The following IGF2R variants were observed in gnomAD, a reference collection of about 807,000 sequenced individuals.
The protein encoded by IGF2R is cation-independent mannose-6-phosphate receptor.
A neutral mutation model predicts 270.6 loss-of-function variants in IGF2R; 91 were observed. The ratio of observed to expected loss-of-function variants is 0.34; its 90% CI spans 0.28 to 0.40. The LOEUF (loss-of-function observed/expected upper bound fraction) is 0.40. Among genes scored for constraint, IGF2R ranks in the 10% least tolerant of loss-of-function variants. The pLI, the probability that IGF2R is intolerant of heterozygous loss-of-function variation, is 1.00. For missense variants in IGF2R, 2,805 were observed against 3,188.3 expected, an observed-to-expected ratio of 0.88 and a Z score of 2.90; for synonymous variants, 1,316 against 1,258.9, an observed-to-expected ratio of 1.05 and a Z score of -0.96.
Position 160,009,152 on chromosome 6 carries a change from C to A in IGF2R, c.414+18C>A. ...AAACCCTGGTGAGTCCACACAGGCA[C>A]TTGATGTATTTCTTTAAAAAAAAAA... On this transcript the variant is annotated intron_variant, in intron 3 of 47. Coordinates refer to ENST00000356956, the MANE Select transcript of IGF2R (RefSeq NM_000876.4). The A allele has an allele frequency of 6.3e-7, 1 of 1,598,356 alleles. No individual in the cohort carries two copies. The highest frequency in any genetic ancestry group is 8.5e-7 in the Non-Finnish European group (1 of 1,172,642).
At position 160,089,263 on chromosome 6, in the gene IGF2R, A is replaced by T. The variant is rs770132045; in HGVS notation, c.6467+10A>T. ...GAGATATTTATTTTAAGTAAGTAAAACGTTTTCCTTCTGAGCTGTGAAATG... is the reference window on the plus strand; with the variant it reads ...GAGATATTTATTTTAAGTAAGTAAATCGTTTTCCTTCTGAGCTGTGAAATG... On this transcript the variant is annotated intron_variant, in intron 43 of 47. Coordinates refer to ENST00000356956, the MANE Select transcript of IGF2R (RefSeq NM_000876.4). The T allele has an allele frequency of 1.2e-6, 2 of 1,601,664 alleles. No individual in the cohort carries two copies. The highest frequency in any genetic ancestry group is 3.4e-5 in the Admixed American group (2 of 58,950).
intron 2 of IGF2R, among the ~76,000 whole-genome samples, chr6:160,001,378 A>G (rs1298703164): frequency 6.6e-6 from 1 of 152,106 alleles, no homozygotes; most frequent in Non-Finnish European, 1.5e-5. Flanking sequence ...ATCTAGTTGC[A>G]TGAAAACAAG....
intron 1 of IGF2R, among the ~76,000 whole-genome samples, chr6:159,986,381 G>A (rs566485918): frequency 2.9e-4 from 44 of 150,808 alleles, no homozygotes; most frequent in Admixed American, 6.6e-4. Context: ...ATAAGCGTGC[G>A]CGACCATGCC....
intron 11 of IGF2R, among the ~76,000 whole-genome samples, chr6:160,042,736 G>A (rs1343323186): frequency 6.6e-6 from 1 of 152,352 alleles, no homozygotes; most frequent in African/African-American, 2.4e-5. Flanking sequence ...CACAGGGGCC[G>A]AGCGGGGTGT....
chr6:159,986,842 G>A (rs1783895936), intron 1 of IGF2R, among the ~76,000 whole-genome samples: 1 of 150,950 alleles, frequency 6.6e-6, no homozygotes, highest in East Asian at 2.0e-4. Context: ...TCAGCTGAAT[G>A]GTTTCATTTG....
At chr6:160,094,395 T>TGCTTC (rs1276200447) in intron 44 of IGF2R, 1 of 215,776 alleles carries the variant, frequency 4.6e-6, no homozygotes. Context: ...TCTGCCAGCA[T>TGCTTC]GCTTCTCCAT....
At position 159,998,598 on chromosome 6, in the gene IGF2R, A is replaced by G. The variant is rs1175433197; in HGVS notation, c.289+7275A>G. 6.6e-6 allele frequency among the ~76,000 whole-genome samples: 1 copy of G among 152,208 alleles called. No individual in the cohort carries two copies. Among genetic ancestry groups the G allele is most frequent in the Non-Finnish European group, 1.5e-5 (1 of 68,050 alleles). ...AAAAAGTAACTTACAGGTTAAGATGATGATGATACTATTATAAACCAGCAG... is the reference window on the plus strand; with the variant it reads ...AAAAAGTAACTTACAGGTTAAGATGGTGATGATACTATTATAAACCAGCAG... On this transcript the variant is annotated intron_variant, in intron 2 of 47. Coordinates refer to ENST00000356956, the MANE Select transcript of IGF2R (RefSeq NM_000876.4). This position sits in a 1 kb window ranked among gnomAD's most constrained non-coding sequence, Gnocchi z 4.1.
At chr6:160,068,547 G>A (rs1778643482) in intron 30 of IGF2R, among the ~76,000 whole-genome samples, 162 bp downstream of exon 30, 1 of 151,748 alleles carries the variant, frequency 6.6e-6, no homozygotes, top group South Asian at 2.1e-4. Context: ...TGCTGTGAGT[G>A]TATCACAGGC....
At chr6:160,060,469 C>G in intron 22 of IGF2R, 78 bp from the exon 23 acceptor site, 2 of 1,411,586 alleles carry the variant, frequency 1.4e-6, no homozygotes, top group South Asian at 2.5e-5. Context: ...CAGCCTTGTC[C>G]TGTTGCTGCA....
intron 29 of IGF2R, 44 bp downstream of exon 29, chr6:160,064,945 GT>G (rs1201806878): frequency 7.5e-7 from 1 of 1,326,494 alleles, no homozygotes; most frequent in Non-Finnish European, 1.1e-6. Flanking sequence ...GACTAACTTG[GT>G]ATGATTTTGC....
rs148148998 is a variant in IGF2R at position 160,109,511 on chromosome 6, T to G, written c.*4427T>G. ...CTAAGTTCCCTCCTATCACCAGACATTTCTACAAATGAGGACCTTCACAGG... is the reference window on the plus strand; with the variant it reads ...CTAAGTTCCCTCCTATCACCAGACAGTTCTACAAATGAGGACCTTCACAGG... On this transcript the variant is annotated 3_prime_UTR_variant, in exon 48 of 48. Coordinates refer to ENST00000356956, the MANE Select transcript of IGF2R (RefSeq NM_000876.4). 26 of 152,312 alleles carry G rather than the reference T, an allele frequency of 1.7e-4. No individual in the cohort carries two copies. The highest frequency in any genetic ancestry group is 3.4e-3 in the Middle Eastern group (1 of 294). 9.4% of individuals were successfully genotyped at this position (152,312 alleles called of 1,614,324 possible). A position where few individuals can be genotyped will look rare whatever the true frequency, so the allele number is the denominator to read the frequency against.
At chr6:160,037,479 G>A (rs1016211716) in intron 10 of IGF2R, among the ~76,000 whole-genome samples, 5 of 152,220 alleles carry the variant, frequency 3.3e-5, no homozygotes, top group Admixed American at 6.5e-5. Flanking sequence ...GAAGGTGAAC[G>A]AGTGTTAATT....
At chr6:160,045,605 G>A in intron 13 of IGF2R, 140 bp from the exon 14 acceptor site, 3 of 905,256 alleles carry the variant, frequency 3.3e-6, no homozygotes, top group Non-Finnish European at 5.4e-6. Flanking sequence ...AGTATTTGTA[G>A]GGCTGTTTTT....
intron 17 of IGF2R, 92 bp from the exon 18 acceptor site, chr6:160,048,283 T>A: frequency 8.1e-7 from 1 of 1,228,350 alleles, no homozygotes; most frequent in East Asian, 2.4e-5. Flanking sequence ...ATGTTTTATT[T>A]GGTAGCTTTA....
At chr6:160,021,682 C>T (rs1777439137) in intron 4 of IGF2R, among the ~76,000 whole-genome samples, 1 of 150,024 alleles carries the variant, frequency 6.7e-6, no homozygotes, top group Non-Finnish European at 1.5e-5. Context: ...AATGAGATAC[C>T]ATCTTATACC....
At position 160,080,238 on chromosome 6, in the gene IGF2R, C is replaced by G; in HGVS notation, c.5796C>G (p.Asp1932Glu). ...AGCTGTGGTGTAGCACAACTGCGGACTACGACAGAGACCACGAGTGGGGCT... is the reference window on the plus strand; with the variant it reads ...AGCTGTGGTGTAGCACAACTGCGGAGTACGACAGAGACCACGAGTGGGGCT... ...RAKLWCSTTADYDRDHEWGFC... is the reference protein window; with the variant it reads ...RAKLWCSTTAEYDRDHEWGFC... Residue 1932 changes from aspartate (D) to glutamate (E), a missense_variant, in exon 39 of 48, where the codon GAC (aspartate) becomes GAG (glutamate). By Grantham distance (45) the Asp-to-Glu change is conservative. Transcript: ENST00000356956. 1.9e-6 allele frequency: 3 copies of G among 1,614,172 alleles called. No homozygotes were observed. Among genetic ancestry groups the G allele is most frequent in the Middle Eastern group, 1.7e-4 (1 of 6,058 alleles).
Position 160,080,145 on chromosome 6 carries a change from C to G in IGF2R, c.5703C>G (p.Val1901=), listed in dbSNP as rs1562371196. 1 of 1,614,164 alleles carries G rather than the reference C, an allele frequency of 6.2e-7. No individual in the cohort carries two copies. The highest frequency in any genetic ancestry group is 1.7e-5 in the Admixed American group (1 of 60,032). ...TCTTTCCAGAAACCGATGACGGCGTCCCCTGTGTCTTCCCCTTCATATTCA... is the reference window on the plus strand; with the variant it reads ...TCTTTCCAGAAACCGATGACGGCGTGCCCTGTGTCTTCCCCTTCATATTCA... ...DRCPPETDDG[V]PCVFPFIFNG... The change falls in exon 39 of 48, where the codon GTC becomes GTG. Residue 1901 remains valine (V), a synonymous_variant. Coordinates refer to ENST00000356956, the MANE Select transcript of IGF2R (RefSeq NM_000876.4).
chr6:160,097,464 G>A lies in IGF2R; in HGVS notation c.6842+839G>A, dbSNP rs577823017. On this transcript the variant is annotated intron_variant, in intron 45 of 47. Coordinates refer to ENST00000356956, the MANE Select transcript of IGF2R (RefSeq NM_000876.4). Reference sequence around the variant, plus strand: ...CCTGCCTCAGCCTCCCAAGTAGCTGGGATTGCAGGCATGTGTCATTATGCC... The same window carrying A: ...CCTGCCTCAGCCTCCCAAGTAGCTGAGATTGCAGGCATGTGTCATTATGCC... Among the ~76,000 whole-genome samples, 3 of 152,278 alleles carry A rather than the reference G, an allele frequency of 2.0e-5. No individual in the cohort carries two copies. In the East Asian group the frequency reaches 5.8e-4, roughly 29 times the overall value.
At chr6:160,009,260 C>T in intron 3 of IGF2R, 126 bp downstream of exon 3, 1 of 749,184 alleles carries the variant, frequency 1.3e-6, no homozygotes, top group Non-Finnish European at 2.1e-6. Context: ...TAAGAAAAAC[C>T]CTACCAAATG....
Sources: gnomAD v4.1 joint callset for allele counts (sites outside exome capture counted in the v4.1 genomes callset) on GRCh38, gnomAD v4.1.1 for gene constraint, Gnocchi (gnomAD v3.1) non-coding constraint, MANE v1.5 for transcripts, NCBI Gene and HGNC (gene_info 2026-07-23, HGNC 2026-07-21) for gene names.